The following SGK1 variants were observed in gnomAD, a reference collection of about 807,000 sequenced individuals.
SGK1 encodes the protein serum/glucocorticoid regulated kinase 1, also known as serine/threonine-protein kinase Sgk1.
A neutral mutation model predicts 64.2 loss-of-function variants in SGK1; 26 were observed. The ratio of observed to expected loss-of-function variants is 0.40; its 90% CI spans 0.30 to 0.56. The LOEUF (loss-of-function observed/expected upper bound fraction) is 0.56. SGK1 is among the 20% of genes least tolerant of loss of function. SGK1 has a pLI of 0.38. For missense variants in SGK1, 519 were observed against 645.6 expected (o/e 0.80, Z 2.12); for synonymous variants, 265 against 239.7 (o/e 1.11, Z -0.98).
At chr6:134,188,405 A>ACC (rs1310489492) in intron 3 of SGK1, among the ~76,000 whole-genome samples, 2 of 152,176 alleles carry the variant, frequency 1.3e-5, no homozygotes, top group Admixed American at 6.5e-5. Context: ...ATGAACAACC[A>ACC]GGTGCTCGAG....
At chr6:134,232,208 A>C (rs1776288828) in intron 2 of SGK1, among the ~76,000 whole-genome samples, 1 of 151,276 alleles carries the variant, frequency 6.6e-6, no homozygotes, top group South Asian at 2.1e-4. Context: ...CAAGATGGTG[A>C]AACCCCATCT....
At chr6:134,290,150 C>CA (rs35039086) in intron 1 of SGK1, among the ~76,000 whole-genome samples, 5,885 of 75,758 alleles carry the variant, frequency 0.078, 201 homozygotes, top group Non-Finnish European at 0.086. Context: ...AGCTCCTTCT[C>CA]AAAAAAAAAA....
intron 5 of SGK1, 97 bp from the exon 6 acceptor site, chr6:134,173,663 C>A: frequency 1.2e-6 from 1 of 807,586 alleles, no homozygotes. Flanking sequence ...CTACAAATGA[C>A]TGATGCAAAT....
intron 1 of SGK1, among the ~76,000 whole-genome samples, chr6:134,315,329 C>T (rs1458144263): frequency 6.6e-6 from 1 of 152,150 alleles, no homozygotes; most frequent in Non-Finnish European, 1.5e-5. Flanking sequence ...ATGTCTGATC[C>T]TGTCTCCAGC....
intron 1 of SGK1, among the ~76,000 whole-genome samples, chr6:134,289,763 A>T (rs1307436453): frequency 6.6e-6 from 1 of 152,130 alleles, no homozygotes; most frequent in African/African-American, 2.4e-5. Context: ...AAAAAGACAT[A>T]CAGAGGCTGA....
At chr6:134,303,081 ACAGATAAGCCTTAGAAAG>A (rs1204902134) in intron 1 of SGK1, among the ~76,000 whole-genome samples, 2 of 152,032 alleles carry the variant, frequency 1.3e-5, no homozygotes, top group African/African-American at 4.8e-5. Flanking sequence ...AATCCATTTT[ACAGATAAGCCTTAGAAAG>A]TTAAGGCTTA....
chr6:134,263,176 C>T (rs1431141922), intron 1 of SGK1, among the ~76,000 whole-genome samples: 1 of 152,110 alleles, frequency 6.6e-6, no homozygotes, highest in Non-Finnish European at 1.5e-5. Context: ...GTTATTCTTA[C>T]AAGGGAAAAT....
At chr6:134,177,990 A>AT in intron 3 of SGK1, 2 of 625,322 alleles carry the variant, frequency 3.2e-6, no homozygotes, top group Non-Finnish European at 5.4e-6. Context: ...TCCTAGCTTT[A>AT]TTACACCCCC....
intron 3 of SGK1, among the ~76,000 whole-genome samples, chr6:134,177,213 AAAAC>A (rs146227673): frequency 0.096 from 14,292 of 149,252 alleles, 2,105 homozygotes; most frequent in African/African-American, 0.32. Context: ...ACTCCGTCTC[AAAAC>A]AAACAAACAA....
intron 2 of SGK1, among the ~76,000 whole-genome samples, chr6:134,213,812 A>ATATATGCCAT (rs1470912522): frequency 2.6e-5 from 4 of 152,052 alleles, no homozygotes; most frequent in African/African-American, 9.6e-5. Context: ...CTCCAATAGG[A>ATATATGCCAT]TATATGCCAT....
chr6:134,174,752 C>G (rs1466992019), intron 3 of SGK1, 166 bp from the exon 4 acceptor site: 1 of 1,614,202 alleles, frequency 6.2e-7, no homozygotes, highest in Admixed American at 1.7e-5. Context: ...TGCCACCATG[C>G]CCCTCATCCT....
At chr6:134,207,583 G>A (rs1029550812) in intron 2 of SGK1, among the ~76,000 whole-genome samples, 152 bp from the exon 3 acceptor site, 1 of 152,194 alleles carries the variant, frequency 6.6e-6, no homozygotes, top group Non-Finnish European at 1.5e-5. Flanking sequence ...TCAGGACCGT[G>A]CTGGGTATAG....
At chr6:134,257,329 G>A (rs1358681775) in intron 2 of SGK1, among the ~76,000 whole-genome samples, 2 of 152,166 alleles carry the variant, frequency 1.3e-5, no homozygotes, top group Admixed American at 6.6e-5. Context: ...CTTGAACCCA[G>A]GAGGCAGGGG....
Position 134,301,567 on chromosome 6 carries a change from TCTTCTCTTCTCTTCTCTTCC to T in SGK1, c.69+15805_69+15824del, listed in dbSNP as rs879920232. ...TCTTCTCTTCTCTTCTCTTCTCTTC[TCTTCTCTTCTCTTCTCTTCC>T]CTTCTCTTCTCTTTTCTTTTTGAGA... On this transcript the variant is annotated intron_variant, in intron 1 of 13. Transcript: ENST00000367858. Among the ~76,000 whole-genome samples the T allele has an allele frequency of 1.5e-3, 226 of 145,984 alleles. 1 individual carries two copies. Among genetic ancestry groups the T allele is most frequent in the Middle Eastern group, 3.5e-3 (1 of 284 alleles).
At chr6:134,290,275 G>T (rs1186594929) in intron 1 of SGK1, among the ~76,000 whole-genome samples, 1 of 151,144 alleles carries the variant, frequency 6.6e-6, no homozygotes, top group Non-Finnish European at 1.5e-5. Context: ...ACTGAGCTAT[G>T]ATCTTGCCAC....
At chr6:134,204,954 T>C (rs1013417124) in intron 3 of SGK1, among the ~76,000 whole-genome samples, 1 of 141,846 alleles carries the variant, frequency 7.0e-6, no homozygotes, top group East Asian at 1.9e-4. Flanking sequence ...CCTCCCTCCT[T>C]TTCTTTCTTT....
intron 1 of SGK1, among the ~76,000 whole-genome samples, chr6:134,264,366 A>T (rs528171159): frequency 2.0e-5 from 3 of 151,812 alleles, no homozygotes; most frequent in Non-Finnish European, 2.9e-5. Context: ...TGATCCGCCC[A>T]CCTTGGCCTC....
intron 1 of SGK1, among the ~76,000 whole-genome samples, chr6:134,270,949 T>C (rs964108435): frequency 2.1e-5 from 2 of 96,146 alleles, no homozygotes; most frequent in Non-Finnish European, 3.8e-5. Flanking sequence ...AAGTGTTAAA[T>C]AGATAAAGTG....
chr6:134,298,784 C>CTTAT (rs139148949), intron 1 of SGK1: 11,741 of 276,900 alleles, frequency 0.042, 1,053 homozygotes, highest in African/African-American at 0.21. Context: ...GCATTCAGCT[C>CTTAT]TTATTTATTT....
Sources: allele counts gnomAD v4.1 joint callset (sites outside exome capture counted in the v4.1 genomes callset), GRCh38; gene constraint gnomAD v4.1.1; transcripts MANE v1.5; gene names NCBI Gene and HGNC (gene_info 2026-07-23, HGNC 2026-07-21).